NAV3: variants seen among roughly 807,000 people sequenced by gnomAD.
NAV3 encodes pore membrane and/or filament interacting like protein 1.
NAV3 carries 87 observed loss-of-function variants against 244.7 expected under a neutral mutation model. That is an observed-to-expected ratio of 0.36 (90% confidence interval 0.30 to 0.42). The LOEUF (loss-of-function observed/expected upper bound fraction) is 0.42, where lower values mean the gene tolerates loss of function less well. NAV3 is among the 20% of genes least tolerant of loss of function. The probability of loss-of-function intolerance (pLI) is 1.00; values close to 1 mark genes in which losing one functional copy is unlikely to be tolerated. For missense variants in NAV3, 2,663 were observed against 2,893.3 expected, an observed-to-expected ratio of 0.92 and a Z score of 1.83; for synonymous variants, 1,126 against 1,042.2, an observed-to-expected ratio of 1.08 and a Z score of -1.55.
At chr12:78,121,319 C>A (rs1566165355) in intron 15 of NAV3, among the ~76,000 whole-genome samples, 2 of 152,130 alleles carry the variant, frequency 1.3e-5, no homozygotes. Flanking sequence ...ATTTGAATAG[C>A]ACTGGCAACT....
In NAV3 at chr12:77,995,104, G is replaced by T. The variant is rs190598926; in HGVS notation, c.740+233G>T. Among the ~76,000 whole-genome samples the T allele has an allele frequency of 5.9e-5, 9 of 152,048 alleles. No homozygotes were observed. In the East Asian group the frequency reaches 7.7e-4, roughly 13 times the overall value. The stretch of plus-strand genomic sequence containing the variant: ...TTTGTGATATGTAGTGCTATAACTG[G>T]GCTTAAGTCTAGGTTCTAGGTTTAG... On this transcript the variant is annotated intron_variant, in intron 6 of 39. Coordinates refer to ENST00000397909, the MANE Select transcript of NAV3 (RefSeq NM_001024383.2).
chr12:77,695,444 A>G (rs1348075363), intron 2 of NAV3, among the ~76,000 whole-genome samples: 4 of 152,178 alleles, frequency 2.6e-5, no homozygotes, highest in Admixed American at 2.0e-4. Context: ...ACCTTTGTCA[A>G]CAGTGAGTTC....
At chr12:77,613,711 A>G (rs1229280275) in intron 2 of NAV3, among the ~76,000 whole-genome samples, 1 of 152,088 alleles carries the variant, frequency 6.6e-6, no homozygotes. Context: ...TGGCCTTTTC[A>G]TAGTATAAAC....
chr12:78,111,894 A>G (rs905434181), intron 12 of NAV3, among the ~76,000 whole-genome samples: 2 of 152,192 alleles, frequency 1.3e-5, no homozygotes, highest in Non-Finnish European at 2.9e-5. Flanking sequence ...ATTGTTCAAC[A>G]TGTACAAATA....
At chr12:77,593,248 G>GTA (rs1429692187) in intron 2 of NAV3, among the ~76,000 whole-genome samples, 1 of 131,192 alleles carries the variant, frequency 7.6e-6, no homozygotes, top group Non-Finnish European at 1.6e-5. Context: ...TAATTCTATG[G>GTA]TATATATATG....
chr12:78,118,430 T>A (rs1302620350), intron 14 of NAV3, 133 bp downstream of exon 14: 4 of 1,223,328 alleles, frequency 3.3e-6, no homozygotes, highest in Non-Finnish European at 4.4e-6. Flanking sequence ...AGTCAAATAG[T>A]TAAATAGTTT....
intron 1 of NAV3, among the ~76,000 whole-genome samples, chr12:77,902,480 A>G (rs538366530): frequency 2.2e-4 from 33 of 152,332 alleles, no homozygotes; most frequent in African/African-American, 6.7e-4. Context: ...TGAGACAATC[A>G]TGCGGTTTTT....
rs796797077 is a variant in NAV3, at chr12:77,755,509, G to GTGCCTTGCCTTGCCTTGCCT, written c.72+183249_72+183250insGCCTTGCCTTGCCTTGCCTT. 4.6e-4 allele frequency among the ~76,000 whole-genome samples: 30 copies of GTGCCTTGCCTTGCCTTGCCT among 65,114 alleles called. 1 individual carries two copies. The highest frequency in any genetic ancestry group is 2.4e-3 in the African/African-American group (29 of 12,258). The allele number at this position is 65,114 out of a possible 152,430, so 42.7% of individuals were successfully genotyped here. A position where few individuals can be genotyped will look rare whatever the true frequency, so the allele number is the denominator to read the frequency against. On this transcript the variant is annotated intron_variant, in intron 2 of 8. Coordinates refer to the NAV3 transcript ENST00000550042. ...TCCCTTTCTCTTTCCCTCCCTCCCT[G>GTGCCTTGCCTTGCCTTGCCT]TGCCTTTCCTTTCCTTTCCTTTCCT...
chr12:77,821,478 G>A (rs1462911886), intron 2 of NAV3, among the ~76,000 whole-genome samples: 1 of 152,174 alleles, frequency 6.6e-6, no homozygotes, highest in Non-Finnish European at 1.5e-5. Flanking sequence ...GGATTCTGAA[G>A]GGGTAAGAGC....
At chr12:77,672,226 C>CA (rs1196585386) in intron 2 of NAV3, among the ~76,000 whole-genome samples, 12 of 151,456 alleles carry the variant, frequency 7.9e-5, no homozygotes, top group Admixed American at 2.6e-4. Flanking sequence ...TGGTCATAAG[C>CA]AAAAAATAAT....
At chr12:77,676,131 A>G (rs147149967) in intron 2 of NAV3, among the ~76,000 whole-genome samples, 5 of 151,826 alleles carry the variant, frequency 3.3e-5, no homozygotes, top group African/African-American at 4.8e-5. Flanking sequence ...CTGAACGTGC[A>G]GGTTTGTTAA....
intron 5 of NAV3, 121 bp from the exon 6 acceptor site, chr12:77,994,682 A>T (rs1872052650): frequency 1.5e-6 from 1 of 674,130 alleles, no homozygotes; most frequent in Non-Finnish European, 2.5e-6. Flanking sequence ...TTTGTTCTTT[A>T]TACATGTTTA....
intron 38 of NAV3, among the ~76,000 whole-genome samples, chr12:78,201,668 A>C (rs1253382017): frequency 6.6e-6 from 1 of 151,912 alleles, no homozygotes; most frequent in African/African-American, 2.4e-5. Context: ...GAATTATAAA[A>C]CTCTTTAAAA....
At chr12:77,667,488 C>T (rs11106193) in intron 2 of NAV3, among the ~76,000 whole-genome samples, 9 of 151,958 alleles carry the variant, frequency 5.9e-5, no homozygotes, top group Admixed American at 5.9e-4. Context: ...GGCTTCCCCC[C>T]ACTTCCCTGG....
rs1216387697 is a variant in NAV3 at position 78,006,721 on chromosome 12, A to G, written c.1183A>G (p.Thr395Ala). ...GAAATTCAAGCTAGTCAATGCCCGG[A>G]CTGCTTTACGCCCCCCGCAGCCTCC... ...LEKFKLVNAR[T>A]ALRPPQPPSS... The change falls in exon 8 of 40, where the codon ACT becomes GCT. Residue 395 changes from threonine to alanine, a missense_variant. Coordinates refer to ENST00000397909, the MANE Select transcript of NAV3 (RefSeq NM_001024383.2). The G allele has an allele frequency of 2.5e-6, 4 of 1,613,966 alleles. No individual in the cohort carries two copies. The highest frequency in any genetic ancestry group is 3.4e-6 in the Non-Finnish European group (4 of 1,180,024).
intron 12 of NAV3, among the ~76,000 whole-genome samples, chr12:78,103,448 T>C (rs1307733221): frequency 6.6e-6 from 1 of 152,212 alleles, no homozygotes; most frequent in Non-Finnish European, 1.5e-5. Context: ...TTTTCCTGTC[T>C]TCTTCTGAGC....
At position 78,051,096 on chromosome 12, in the gene NAV3, G is replaced by A. The variant is rs2137262447; in HGVS notation, c.2465G>A (p.Ser822Asn). The A allele has an allele frequency of 2.5e-6, 4 of 1,613,870 alleles. No homozygotes were observed. Among genetic ancestry groups the A allele is most frequent in the Non-Finnish European group, 3.4e-6 (4 of 1,179,788 alleles). ...SSEVDVGGYM[S>N]DGDILGKSLR... The stretch of plus-strand genomic sequence containing the variant: ...GAGGTCGATGTGGGTGGATATATGA[G>A]TGATGGTGATATCCTTGGGAAAAGT... The change falls in exon 11 of 40, where the codon AGT becomes AAT. Residue 822 changes from serine (S) to asparagine (N), a missense_variant. Around this residue, in one of 6 missense-constraint regions of NAV3, gnomAD observed 1,521 missense variants for 1,497.0 expected, o/e 1.02. Coordinates refer to ENST00000397909, the MANE Select transcript of NAV3 (RefSeq NM_001024383.2).
rs576034458 is a variant in NAV3, at chr12:77,727,040, G to A, written c.72+154774G>A. 5.9e-4 allele frequency among the ~76,000 whole-genome samples: 89 copies of A among 152,098 alleles called. 1 individual carries two copies. The South Asian group carries it at 0.017, about 29-fold the overall frequency. ...TCCCTCTGGCTACAGCACTCATCAT[G>A]AATGAAGATAGCAGAAGGAGACATG... On this transcript the variant is annotated intron_variant, in intron 2 of 8. Transcript: ENST00000550042.
intron 9 of NAV3, among the ~76,000 whole-genome samples, chr12:78,047,262 C>A (rs533375265): frequency 6.6e-6 from 1 of 151,946 alleles, no homozygotes; most frequent in East Asian, 1.9e-4. Context: ...CCGAGGCAGG[C>A]GGATCATGAG....
Sources: allele counts gnomAD v4.1 joint callset (sites outside exome capture counted in the v4.1 genomes callset), GRCh38; gene constraint gnomAD v4.1.1; regional missense constraint gnomAD v4.1.1; transcripts MANE v1.5; gene names NCBI Gene and HGNC (gene_info 2026-07-23, HGNC 2026-07-21).